The following BBX variants were observed in gnomAD, a reference collection of about 807,000 sequenced individuals.
BBX encodes BBX high mobility group box domain containing.
In BBX, 30 loss-of-function variants were observed where a neutral mutation model predicts 100.2. The ratio of observed to expected loss-of-function variants is 0.30; its 90% CI spans 0.22 to 0.41. The LOEUF is 0.41. BBX is among the 10% of genes least tolerant of loss of function. The probability of loss-of-function intolerance (pLI) is 1.00; values close to 1 mark genes in which losing one functional copy is unlikely to be tolerated. For missense variants in BBX, 1,023 were observed against 1,129.8 expected, an observed-to-expected ratio of 0.91 and a Z score of 1.35; for synonymous variants, 376 against 388.1, an observed-to-expected ratio of 0.97 and a Z score of 0.37.
At chr3:107,600,904 A>G (rs1469959508) in intron 2 of BBX, among the ~76,000 whole-genome samples, 2 of 152,088 alleles carry the variant, frequency 1.3e-5, no homozygotes, top group Non-Finnish European at 2.9e-5. Flanking sequence ...CACATCACAG[A>G]TACTGTATTT....
intron 4 of BBX, among the ~76,000 whole-genome samples, chr3:107,712,389 T>G (rs1387217896): frequency 6.6e-6 from 1 of 152,236 alleles, no homozygotes; most frequent in African/African-American, 2.4e-5. Context: ...TTGAATGAAT[T>G]CAAAATTAAG....
intron 3 of BBX, among the ~76,000 whole-genome samples, chr3:107,709,521 AT>A (rs900567510): frequency 6.0e-4 from 92 of 152,356 alleles, no homozygotes; most frequent in African/African-American, 2.1e-3. Context: ...GTCAGCATTC[AT>A]GAACCATTTA....
intron 13 of BBX, among the ~76,000 whole-genome samples, chr3:107,785,856 G>A (rs1260313558): frequency 6.6e-6 from 1 of 151,872 alleles, no homozygotes; most frequent in African/African-American, 2.4e-5. Context: ...AGAAACAAAA[G>A]GTGTCTAGAT....
At chr3:107,697,129 T>G (rs564514152) in intron 3 of BBX, among the ~76,000 whole-genome samples, 2 of 151,970 alleles carry the variant, frequency 1.3e-5, no homozygotes, top group East Asian at 3.9e-4. Flanking sequence ...TCAACTTCTT[T>G]GCCTTTGGTG....
intron 2 of BBX, among the ~76,000 whole-genome samples, chr3:107,578,577 A>G (rs1231940585): frequency 1.3e-5 from 2 of 152,112 alleles, no homozygotes; most frequent in East Asian, 1.9e-4. Context: ...CTTCCTTCCA[A>G]TTTTCCAGAA....
intron 7 of BBX, among the ~76,000 whole-genome samples, chr3:107,740,229 C>G (rs2063973126): frequency 6.6e-6 from 1 of 152,036 alleles, no homozygotes; most frequent in Admixed American, 6.6e-5. Context: ...ATGGAATCCT[C>G]TACCCCAAAA....
intron 2 of BBX, among the ~76,000 whole-genome samples, chr3:107,584,899 C>G (rs2052714943): frequency 6.6e-6 from 1 of 151,726 alleles, no homozygotes; most frequent in Non-Finnish European, 1.5e-5. Context: ...CTGGGCTGGT[C>G]TCGAACTCCT....
At chr3:107,552,272 A>G (rs1330083991) in intron 2 of BBX, among the ~76,000 whole-genome samples, 3 of 144,294 alleles carry the variant, frequency 2.1e-5, no homozygotes, top group Non-Finnish European at 4.5e-5. Flanking sequence ...TGAGCCCAGG[A>G]GGTCAAGGCT....
chr3:107,674,336 A>G (rs28666434), intron 3 of BBX, among the ~76,000 whole-genome samples: 1 of 152,038 alleles, frequency 6.6e-6, no homozygotes, highest in East Asian at 1.9e-4. Flanking sequence ...TTCCTAAGTC[A>G]TTGTCTCACT....
intron 2 of BBX, among the ~76,000 whole-genome samples, chr3:107,539,655 T>C (rs1428213498): frequency 2.6e-5 from 4 of 152,214 alleles, no homozygotes; most frequent in African/African-American, 9.6e-5. Context: ...ATACATTTCT[T>C]TATAAATTAT....
At chr3:107,578,354 C>A (rs1404705650) in intron 2 of BBX, among the ~76,000 whole-genome samples, 4 of 152,168 alleles carry the variant, frequency 2.6e-5, no homozygotes, top group African/African-American at 9.7e-5. Context: ...AATATAAATT[C>A]ATTCAAGAAA....
intron 10 of BBX, among the ~76,000 whole-genome samples, chr3:107,764,234 C>T (rs2066178432): frequency 6.6e-6 from 1 of 152,316 alleles, no homozygotes; most frequent in African/African-American, 2.4e-5. Flanking sequence ...TCAGGTGATC[C>T]ACCTGCCTCA....
At chr3:107,572,582 AG>A (rs1244097222) in intron 2 of BBX, among the ~76,000 whole-genome samples, 4 of 152,180 alleles carry the variant, frequency 2.6e-5, no homozygotes, top group Non-Finnish European at 5.9e-5. Context: ...TTTTAGAAAA[AG>A]GTTAGAATTA....
intron 3 of BBX, among the ~76,000 whole-genome samples, chr3:107,706,113 C>T (rs1033631029): frequency 6.7e-6 from 1 of 149,978 alleles, no homozygotes; most frequent in Non-Finnish European, 1.5e-5. Flanking sequence ...ACCTCTGTCT[C>T]CTGGGTTCAA....
intron 2 of BBX, among the ~76,000 whole-genome samples, chr3:107,584,187 ATATATGATATATATATTAT>A (rs1260230536): frequency 1.0e-4 from 4 of 40,156 alleles, no homozygotes; most frequent in Non-Finnish European, 1.9e-4. Context: ...ATTATATATA[ATATATGATATATATATTAT>A]TATATATATT....
In BBX at chr3:107,666,782, G is replaced by C. The variant is rs193017750; in HGVS notation, c.-10+20873G>C. On this transcript the variant is annotated intron_variant, in intron 3 of 17. Transcript: ENST00000325805. Reference sequence around the variant, plus strand: ...AGACGGGGTTTCACCACGTTGGCCGGGATGGTCTCAATCTCTTGACCTCAT... The same window carrying C: ...AGACGGGGTTTCACCACGTTGGCCGCGATGGTCTCAATCTCTTGACCTCAT... Among the ~76,000 whole-genome samples the C allele has an allele frequency of 1.8e-3, 276 of 152,238 alleles. 2 individuals are homozygous for C. Among genetic ancestry groups the C allele is most frequent in the African/African-American group, 6.5e-3 (270 of 41,556 alleles).
intron 2 of BBX, among the ~76,000 whole-genome samples, chr3:107,565,574 A>G (rs1204329446): frequency 6.6e-6 from 1 of 151,458 alleles, no homozygotes; most frequent in African/African-American, 2.4e-5. Context: ...AGGTTCACAC[A>G]GTTCTTTGCC....
At chr3:107,544,276 A>G (rs892925294) in intron 2 of BBX, among the ~76,000 whole-genome samples, 6 of 152,202 alleles carry the variant, frequency 3.9e-5, no homozygotes, top group South Asian at 2.1e-4. Context: ...TTTATTTCTA[A>G]GTGTTGGAAA....
At chr3:107,693,332 G>A (rs1198387223) in intron 3 of BBX, among the ~76,000 whole-genome samples, 1 of 151,786 alleles carries the variant, frequency 6.6e-6, no homozygotes. Context: ...ATGGTTTTAG[G>A]TCTAACGTTT....
Sources: gnomAD v4.1 joint callset for allele counts (sites outside exome capture counted in the v4.1 genomes callset) on GRCh38, gnomAD v4.1.1 for gene constraint, MANE v1.5 for transcripts, NCBI Gene and HGNC (gene_info 2026-07-23, HGNC 2026-07-21) for gene names.